ADGRB3: variants seen among roughly 807,000 people sequenced by gnomAD.
The protein encoded by ADGRB3 is brain-specific angiogenesis inhibitor 3.
Under a neutral mutation model 193.4 loss-of-function variants are expected in ADGRB3, and 37 were observed. That is an observed-to-expected ratio of 0.19 (90% CI 0.15 to 0.25). The LOEUF (loss-of-function observed/expected upper bound fraction) is 0.25, where lower values mean the gene tolerates loss of function less well. Among genes scored for constraint, ADGRB3 ranks in the 10% least tolerant of loss-of-function variants. The probability of loss-of-function intolerance (pLI) is 1.00; values close to 1 mark genes in which losing one functional copy is unlikely to be tolerated. For missense variants in ADGRB3, 1,637 were observed against 1,852.9 expected, an observed-to-expected ratio of 0.88 and a Z score of 2.14; for synonymous variants, 690 against 644.2, an observed-to-expected ratio of 1.07 and a Z score of -1.08.
intron 11 of ADGRB3, among the ~76,000 whole-genome samples, chr6:68,994,949 G>T (rs539592098): frequency 3.3e-5 from 5 of 152,006 alleles, no homozygotes; most frequent in Non-Finnish European, 7.4e-5. Context: ...TAGAATCATG[G>T]AGTCTTTCAT....
chr6:68,745,158 A>G (rs933469091), intron 3 of ADGRB3, among the ~76,000 whole-genome samples: 2 of 152,196 alleles, frequency 1.3e-5, no homozygotes, highest in South Asian at 2.1e-4. Flanking sequence ...TCACAGCAGC[A>G]CTATTCACTG....
At chr6:68,986,262 C>G (rs1354116044) in intron 10 of ADGRB3, among the ~76,000 whole-genome samples, 1 of 152,142 alleles carries the variant, frequency 6.6e-6, no homozygotes, top group Non-Finnish European at 1.5e-5. Flanking sequence ...TCCAATCTCT[C>G]ACTTCAGATA....
rs1417618306 is a variant in ADGRB3, at chr6:68,890,043, G to T, written c.758-40516G>T. On this transcript the variant is annotated intron_variant, in intron 3 of 31. Transcript: ENST00000370598. ...TTCAAATGATTTCTCAAAAGTATAT[G>T]CAAATAACAAAATGTCAATATTTTC... 2.6e-5 allele frequency among the ~76,000 whole-genome samples: 4 copies of T among 152,104 alleles called. No homozygotes were observed. The East Asian group carries it at 7.7e-4, about 29-fold the overall frequency.
At chr6:69,336,020 T>TA (rs1472579128) in intron 24 of ADGRB3, among the ~76,000 whole-genome samples, 3 of 152,034 alleles carry the variant, frequency 2.0e-5, no homozygotes, top group Non-Finnish European at 4.4e-5. Flanking sequence ...ACAAACTATA[T>TA]TAATATTTTT....
chr6:68,870,985 T>C (rs1765439845), intron 3 of ADGRB3, among the ~76,000 whole-genome samples: 1 of 152,208 alleles, frequency 6.6e-6, no homozygotes, highest in African/African-American at 2.4e-5. Context: ...CATTTAATTC[T>C]TCATTTCTTT....
At chr6:68,829,986 A>G (rs139713674) in intron 3 of ADGRB3, among the ~76,000 whole-genome samples, 15 of 152,314 alleles carry the variant, frequency 9.8e-5, no homozygotes, top group Admixed American at 7.8e-4. Context: ...ATACTAAATT[A>G]TCAGTGAGTA....
chr6:68,905,388 A>G (rs1244167321), intron 3 of ADGRB3, among the ~76,000 whole-genome samples: 2 of 152,296 alleles, frequency 1.3e-5, no homozygotes, highest in East Asian at 3.9e-4. Flanking sequence ...AGTTAATTCT[A>G]TTTCTTACTA....
chr6:68,801,992 T>C (rs1017060177), intron 3 of ADGRB3, among the ~76,000 whole-genome samples: 9 of 152,202 alleles, frequency 5.9e-5, no homozygotes, highest in African/African-American at 2.2e-4. Context: ...AATTGTATCA[T>C]AGAACCTTCT....
At chr6:68,945,970 T>A (rs1244107168) in intron 6 of ADGRB3, among the ~76,000 whole-genome samples, 1 of 152,128 alleles carries the variant, frequency 6.6e-6, no homozygotes, top group Non-Finnish European at 1.5e-5. Context: ...GTAGGTCCTT[T>A]GTTTTTGTGC....
At chr6:68,918,591 G>A (rs1766944770) in intron 3 of ADGRB3, among the ~76,000 whole-genome samples, 1 of 152,064 alleles carries the variant, frequency 6.6e-6, no homozygotes, top group African/African-American at 2.4e-5. Context: ...ACACACACTT[G>A]GCTTACCTTT....
intron 17 of ADGRB3, among the ~76,000 whole-genome samples, chr6:69,189,455 C>T (rs558824671): frequency 1.5e-3 from 232 of 152,240 alleles, no homozygotes; most frequent in African/African-American, 5.1e-3. Flanking sequence ...ACTATTGACC[C>T]GGCATGAGAA....
chr6:68,701,756 A>G (rs1765246651), intron 3 of ADGRB3, among the ~76,000 whole-genome samples: 1 of 152,124 alleles, frequency 6.6e-6, no homozygotes, highest in South Asian at 2.1e-4. Flanking sequence ...AAACATTTAA[A>G]TTGGCTCTTC....
chr6:69,047,485 AT>A (rs1255118881), intron 13 of ADGRB3, among the ~76,000 whole-genome samples: 1 of 151,188 alleles, frequency 6.6e-6, no homozygotes, highest in East Asian at 1.9e-4. Flanking sequence ...ATTTATTGGT[AT>A]TAAGGACACA....
chr6:68,858,514 A>C (rs543890791), intron 3 of ADGRB3, among the ~76,000 whole-genome samples: 62 of 141,846 alleles, frequency 4.4e-4, no homozygotes, highest in African/African-American at 1.2e-3. Flanking sequence ...AAAAAAAAAA[A>C]CACCTGAGGT....
At chr6:68,721,773 A>G (rs6932940) in intron 3 of ADGRB3, among the ~76,000 whole-genome samples, 116,035 of 150,162 alleles carry the variant, frequency 0.77, 45,021 homozygotes, top group Middle Eastern at 0.91. Flanking sequence ...TTAAATGGGT[A>G]TATATGCCCA....
chr6:69,040,273 A>G (rs895350937), intron 13 of ADGRB3, among the ~76,000 whole-genome samples: 7 of 148,486 alleles, frequency 4.7e-5, no homozygotes, highest in East Asian at 2.0e-4. Flanking sequence ...CCCCCACTCT[A>G]TTGTCAGGTT....
chr6:69,367,377 C>T lies in ADGRB3; in HGVS notation c.4240-5029C>T, dbSNP rs149600320. On this transcript the variant is annotated intron_variant, in intron 29 of 31. Coordinates refer to ENST00000370598, the MANE Select transcript of ADGRB3 (RefSeq NM_001704.3). Reference sequence around the variant, plus strand: ...ATTTAGAGTTCTTTGGGTATATATCCGGTAATGGGATGGCTGGGTCAAATG... The same window carrying T: ...ATTTAGAGTTCTTTGGGTATATATCTGGTAATGGGATGGCTGGGTCAAATG... 1.8e-3 allele frequency among the ~76,000 whole-genome samples: 267 copies of T among 152,122 alleles called. 1 individual carries two copies. Among genetic ancestry groups the T allele is most frequent in the Non-Finnish European group, 3.0e-3 (203 of 67,960 alleles).
intron 3 of ADGRB3, among the ~76,000 whole-genome samples, chr6:68,663,156 CATAA>C (rs1180392135): frequency 6.6e-6 from 1 of 151,164 alleles, no homozygotes; most frequent in African/African-American, 2.4e-5. Flanking sequence ...CCTAAAGTTT[CATAA>C]ATAAATACAA....
chr6:68,878,141 T>G (rs940888773), intron 3 of ADGRB3, among the ~76,000 whole-genome samples: 1 of 152,114 alleles, frequency 6.6e-6, no homozygotes, highest in African/African-American at 2.4e-5. Flanking sequence ...GATTTTAATA[T>G]AGTTAAATAA....
Sources: allele counts gnomAD v4.1 joint callset (sites outside exome capture counted in the v4.1 genomes callset), GRCh38; gene constraint gnomAD v4.1.1; transcripts MANE v1.5; gene names NCBI Gene and HGNC (gene_info 2026-07-23, HGNC 2026-07-21).